Variants in RABGAP1L observed in about 807,000 individuals in gnomAD.
RABGAP1L encodes RAB GTPase activating protein 1 like, also known as rab GTPase-activating protein 1-like.
RABGAP1L carries 63 observed loss-of-function variants against 137.7 expected under a neutral mutation model. That is an observed-to-expected ratio of 0.46 (90% CI 0.37 to 0.56). The LOEUF (loss-of-function observed/expected upper bound fraction) is 0.56. Ranked by LOEUF, RABGAP1L falls within the 20% of genes least tolerant of loss-of-function variation. RABGAP1L has a pLI of 0.00. For missense variants in RABGAP1L, 1,095 were observed against 1,244.0 expected (o/e 0.88, Z 1.80); for synonymous variants, 431 against 433.7 (o/e 0.99, Z 0.08).
intron 11 of RABGAP1L, among the ~76,000 whole-genome samples, chr1:174,369,210 G>A (rs1402457675): frequency 1.3e-5 from 2 of 151,378 alleles, no homozygotes; most frequent in Non-Finnish European, 2.9e-5. Flanking sequence ...TTTTTTTTGA[G>A]ATGAGGTCTC....
chr1:174,201,036 G>GTGCT (rs1378753747), intron 1 of RABGAP1L, among the ~76,000 whole-genome samples: 1 of 152,158 alleles, frequency 6.6e-6, no homozygotes, highest in Non-Finnish European at 1.5e-5. Context: ...TCAGAAAGAG[G>GTGCT]TGCTCACTTT....
intron 19 of RABGAP1L, among the ~76,000 whole-genome samples, chr1:174,895,262 G>T (rs1257818862): frequency 6.6e-6 from 1 of 152,154 alleles, no homozygotes; most frequent in Non-Finnish European, 1.5e-5. Context: ...AATATTTATA[G>T]GCTGTACAAA....
At chr1:174,213,719 A>G (rs1438453019) in intron 1 of RABGAP1L, among the ~76,000 whole-genome samples, 2 of 152,234 alleles carry the variant, frequency 1.3e-5, no homozygotes, top group Admixed American at 6.5e-5. Flanking sequence ...AGAATTAAGG[A>G]TGAAAACCAT....
intron 13 of RABGAP1L, among the ~76,000 whole-genome samples, chr1:174,490,060 T>A (rs1660072584): frequency 1.3e-5 from 2 of 152,154 alleles, no homozygotes; most frequent in East Asian, 3.9e-4. Context: ...GTACCATGTG[T>A]CTCTTTCTCC....
intron 19 of RABGAP1L, among the ~76,000 whole-genome samples, chr1:174,851,138 A>G (rs927462325): frequency 3.3e-5 from 5 of 152,224 alleles, no homozygotes; most frequent in Admixed American, 3.3e-4. Context: ...CTCCTGACCT[A>G]TGGGGATGTG....
chr1:174,570,583 A>G (rs976491817), intron 13 of RABGAP1L, among the ~76,000 whole-genome samples: 8 of 152,184 alleles, frequency 5.3e-5, no homozygotes, highest in Non-Finnish European at 1.2e-4. Flanking sequence ...TACTACCTAG[A>G]GGATGGGATT....
intron 11 of RABGAP1L, among the ~76,000 whole-genome samples, chr1:174,341,910 G>T (rs772945526): frequency 4.6e-5 from 7 of 152,098 alleles, no homozygotes; most frequent in Non-Finnish European, 1.0e-4. Flanking sequence ...TTCTTGATAA[G>T]TACAACCAGC....
chr1:174,686,029 A>C (rs929181989), intron 15 of RABGAP1L, among the ~76,000 whole-genome samples: 1 of 152,216 alleles, frequency 6.6e-6, no homozygotes, highest in African/African-American at 2.4e-5. Context: ...ATAGAGTAAG[A>C]AGATTAAATC....
rs755947350 is a variant in RABGAP1L, at chr1:174,216,181, G to A, written c.-33-2944G>A. 5.9e-5 allele frequency among the ~76,000 whole-genome samples: 9 copies of A among 152,100 alleles called. 1 individual carries two copies. Among genetic ancestry groups the A allele is most frequent in the Admixed American group, 2.0e-4 (3 of 15,262 alleles). ...AAGGTGGGATGGGTAAGGGACATGG[G>A]GATGGTTAATAGGTATGAAAAAATA... On this transcript the variant is annotated intron_variant, in intron 1 of 25. Coordinates refer to ENST00000681986, the MANE Select transcript of RABGAP1L (RefSeq NM_001366446.1).
intron 11 of RABGAP1L, among the ~76,000 whole-genome samples, chr1:174,324,280 A>C (rs144313807): frequency 6.6e-6 from 1 of 152,296 alleles, no homozygotes; most frequent in East Asian, 1.9e-4. Flanking sequence ...TATTCTGGAG[A>C]TAAAATTAGT....
intron 17 of RABGAP1L, among the ~76,000 whole-genome samples, chr1:174,736,217 T>G (rs1001245467): frequency 6.6e-6 from 1 of 152,228 alleles, no homozygotes; most frequent in Non-Finnish European, 1.5e-5. Flanking sequence ...GTTACAATGG[T>G]GGTACAGGCA....
chr1:174,863,233 C>CAAAAAAAAAAAAAAAAAAA (rs71117585), intron 19 of RABGAP1L, among the ~76,000 whole-genome samples: 4 of 82,620 alleles, frequency 4.8e-5, no homozygotes, highest in Admixed American at 1.6e-4. Context: ...TTGTTTGTAG[C>CAAAAAAAAAAAAAAAAAAA]AAAAAAAAAA....
chr1:174,495,847 G>A (rs1019499695), intron 13 of RABGAP1L, among the ~76,000 whole-genome samples: 1 of 152,020 alleles, frequency 6.6e-6, no homozygotes, highest in Non-Finnish European at 1.5e-5. Flanking sequence ...TGAGTTTATC[G>A]ATAGGATAAA....
chr1:174,574,466 T>C (rs993364537), intron 13 of RABGAP1L, among the ~76,000 whole-genome samples: 3 of 152,156 alleles, frequency 2.0e-5, no homozygotes, highest in Non-Finnish European at 4.4e-5. Flanking sequence ...GGTCTAGTCT[T>C]TTTATTCTTC....
chr1:174,384,110 C>G (rs750176568), intron 12 of RABGAP1L, among the ~76,000 whole-genome samples: 4 of 152,180 alleles, frequency 2.6e-5, no homozygotes, highest in Non-Finnish European at 5.9e-5. Context: ...AAAGAATGAA[C>G]TGATATACAT....
At chr1:174,186,321 A>G (rs1666805782) in intron 1 of RABGAP1L, among the ~76,000 whole-genome samples, 1 of 152,196 alleles carries the variant, frequency 6.6e-6, no homozygotes, top group African/African-American at 2.4e-5. Context: ...ACGTAGCTGA[A>G]TTTCAGGCAG....
chr1:174,473,219 T>A (rs1658135806), intron 13 of RABGAP1L, among the ~76,000 whole-genome samples: 1 of 152,166 alleles, frequency 6.6e-6, no homozygotes, highest in African/African-American at 2.4e-5. Context: ...TAGTAATAAA[T>A]ACCTAGAGAG....
intron 17 of RABGAP1L, among the ~76,000 whole-genome samples, chr1:174,713,341 T>G (rs1330602971): frequency 6.6e-6 from 1 of 152,152 alleles, no homozygotes; most frequent in Non-Finnish European, 1.5e-5. Flanking sequence ...ATTTGAAAAA[T>G]ATTATTGCAG....
intron 13 of RABGAP1L, among the ~76,000 whole-genome samples, chr1:174,470,368 C>G (rs1657776789): frequency 6.6e-6 from 1 of 152,086 alleles, no homozygotes; most frequent in South Asian, 2.1e-4. Flanking sequence ...CTTTTGTATA[C>G]AAAGGTGATG....
Sources: allele counts gnomAD v4.1 joint callset (sites outside exome capture counted in the v4.1 genomes callset), GRCh38; gene constraint gnomAD v4.1.1; transcripts MANE v1.5; gene names NCBI Gene and HGNC (gene_info 2026-07-23, HGNC 2026-07-21).